The following SIT1 variants were observed in gnomAD, a reference collection of about 807,000 sequenced individuals.
SIT1 encodes signaling threshold-regulating transmembrane adapter 1.
In SIT1, 19 loss-of-function variants were observed where a neutral mutation model predicts 23.5. The ratio of observed to expected loss-of-function variants is 0.81; its 90% CI spans 0.56 to 1.19. SIT1 has a LOEUF of 1.19. SIT1 is among the 50% of genes most tolerant of loss of function. The pLI is 0.00. For synonymous variants in SIT1, 114 were observed against 109.1 expected (o/e 1.04, Z -0.28); for missense variants, 213 against 254.9 (o/e 0.84, Z 1.12).
In SIT1 at chr9:35,649,572, T is replaced by G. The variant is rs1823439546; in HGVS notation, c.*276A>C. 2.8e-6 allele frequency: 1 copy of G among 361,322 alleles called. No individual in the cohort carries two copies. The highest frequency in any genetic ancestry group is 4.5e-5 in the Admixed American group (1 of 22,450). The allele number at this position is 361,322 out of a possible 1,614,324, so 22.4% of individuals were successfully genotyped here. A position where few individuals can be genotyped will look rare whatever the true frequency, so the allele number is the denominator to read the frequency against. ...GGAGCGGGGGTGGGGAGGATCTGGT[T>G]AAACTCCAGAAGAAGGAAGTGAGAA... On this transcript the variant is annotated 3_prime_UTR_variant, in exon 5 of 5. Transcript: ENST00000259608.
rs1169261703 is a variant in SIT1 at position 35,650,385 on chromosome 9, C to T, written c.267G>A (p.Leu89=). 1 of 1,614,176 alleles carries T rather than the reference C, an allele frequency of 6.2e-7. No homozygotes were observed. Among genetic ancestry groups the T allele is most frequent in the Admixed American group, 1.7e-5 (1 of 60,026 alleles). ...TCTGTAGATAATGCAGGTTCCCATA[C>T]AGCGGGACCTCTTCCACAGACTCTC... ...RSGESVEEVP[L]YGNLHYLQTG... is the part of the protein sequence containing the mutation. Residue 89 remains leucine, a synonymous_variant, in exon 3 of 5, where the codon CTG becomes CTA. Transcript: ENST00000259608. This position sits in a 1 kb window ranked among gnomAD's most constrained non-coding sequence, Gnocchi z 4.8.
At position 35,649,657 on chromosome 9, in the gene SIT1, GT is replaced by G. The variant is rs2131800350; in HGVS notation, c.*190del. On this transcript the variant is annotated 3_prime_UTR_variant, in exon 5 of 5. Transcript: ENST00000259608. Reference sequence around the variant, plus strand: ...AAAAAGAAATAAGGAGGGGGCTACTGTCTTTGCCTCCTCCATCACGAAAGCT... The same window carrying G: ...AAAAAGAAATAAGGAGGGGGCTACTGCTTTGCCTCCTCCATCACGAAAGCT... 1 of 517,276 alleles carries G rather than the reference GT, an allele frequency of 1.9e-6. No individual in the cohort carries two copies. Among genetic ancestry groups the G allele is most frequent in the East Asian group, 3.1e-5 (1 of 32,392 alleles). The allele number at this position is 517,276 out of a possible 1,614,324, so 32.0% of individuals were successfully genotyped here.
Position 35,649,543 on chromosome 9 carries a change from T to G in SIT1, c.*305A>C. On this transcript the variant is annotated 3_prime_UTR_variant, in exon 5 of 5. Transcript: ENST00000259608. ...GACACTGAGGCGTGGGGGTAGACTA[T>G]GAGGGAGCGGGGGTGGGGAGGATCT... The G allele has an allele frequency of 3.6e-6, 1 of 275,354 alleles. No homozygotes were observed. The highest frequency in any genetic ancestry group is 6.8e-6 in the Non-Finnish European group (1 of 146,220). 17.1% of individuals were successfully genotyped at this position (275,354 alleles called of 1,614,324 possible).
rs1823445626 is a variant in SIT1 at position 35,649,924 on chromosome 9, A to G, written c.515T>C (p.Val172Ala). 1.3e-6 allele frequency: 2 copies of G among 1,586,676 alleles called. No homozygotes were observed. Among genetic ancestry groups the G allele is most frequent in the South Asian group, 2.3e-5 (2 of 86,906 alleles). The change falls in exon 5 of 5, where the codon GTA becomes GCA. Residue 172 changes from valine to alanine, a missense_variant. Physicochemically the swap from Val to Ala is moderately conservative, Grantham distance 64 (BLOSUM62 0). Transcript: ENST00000259608. ...CCGGGCCCTGCGGGTCTGGGCACAT[A>G]CTGAGGCATAGAGCTCCGGCTCGGG... ...SGPEPELYAS[V>A]CAQTRRARAS...
Position 35,650,222 on chromosome 9 carries a change from G to C in SIT1, c.319C>G (p.Pro107Ala). Residue 107 changes from proline to alanine, a missense_variant, in exon 4 of 5, where the codon CCA becomes GCA. Pro to Ala is a conservative substitution (Grantham distance 27). Transcript: ENST00000259608. The surrounding 1 kb of genome is among the most constrained non-coding windows in gnomAD (Gnocchi z 4.8). ...CCAAGAGTTGGATCCTGCTGGTCTG[G>C]CTCTGGGTCTTGAGACAGCCGTCCT... is the stretch of plus-strand genomic sequence containing the variant. ...QTGRLSQDPE[P>A]DQQDPTLGGP... is the part of the protein sequence containing the mutation. 1 of 1,613,972 alleles carries C rather than the reference G, an allele frequency of 6.2e-7. No individual in the cohort carries two copies. Among genetic ancestry groups the C allele is most frequent in the Non-Finnish European group, 8.5e-7 (1 of 1,179,942 alleles).
At position 35,650,623 on chromosome 9, in the gene SIT1, T is replaced by G. The variant is rs1180470802; in HGVS notation, c.115A>C (p.Thr39Pro). The change falls in exon 2 of 5, where the codon ACC (threonine) becomes CCC (proline). Residue 39 changes from threonine (T) to proline (P), a missense_variant. By Grantham distance (38) the Thr-to-Pro change is conservative. Transcript: ENST00000259608. This position sits in a 1 kb window ranked among gnomAD's most constrained non-coding sequence, Gnocchi z 4.8. ...DLLALGIPSI[T>P]QAWGLWVLLG... ...AGGACCCACAGTCCCCAGGCCTGGG[T>G]TATGGAGGGGATTCCTGTGGATGTG... 6 of 1,613,354 alleles carry G rather than the reference T, an allele frequency of 3.7e-6. No individual in the cohort carries two copies. In the Admixed American group the frequency reaches 6.7e-5, roughly 18 times the overall value.
chr9:35,649,829 C>A lies in SIT1; in HGVS notation c.*19G>T. On this transcript the variant is annotated 3_prime_UTR_variant, in exon 5 of 5. Transcript: ENST00000259608. ...GGGGGCTGGGGCAGTGCACGCCCCG[C>A]TGTGCCAGGCCCTCCATCTCAGCTG... 6.7e-7 allele frequency: 1 copy of A among 1,485,646 alleles called. No homozygotes were observed. The highest frequency in any genetic ancestry group is 9.0e-7 in the Non-Finnish European group (1 of 1,106,770). The allele number at this position is 1,485,646 out of a possible 1,614,324, so 92.0% of individuals were successfully genotyped here.
rs201375312 is a variant in SIT1, at chr9:35,650,500, A to C, written c.236+2T>G. 230 of 1,613,598 alleles carry C rather than the reference A, an allele frequency of 1.4e-4. No individual in the cohort carries two copies. The highest frequency in any genetic ancestry group is 1.7e-5 in the Admixed American group (1 of 59,986). On this transcript the variant is annotated splice_donor_variant, in intron 2 of 4. Transcript: ENST00000259608. LOFTEE classifies it high-confidence loss of function. This position sits in a 1 kb window ranked among gnomAD's most constrained non-coding sequence, Gnocchi z 4.8. ...AACCCATCCCTGTTGTCCTTCACCC[A>C]CCGTCCCTGCCCCGGATGGCTCCTG...
In SIT1 at chr9:35,650,805, T is replaced by G; in HGVS notation, c.49A>C (p.Thr17Pro). ...TCGCCTCTGCTCATGGCTGCAGATG[T>G]GAGAGTCCACAAGCACACTGCTCTG... is the stretch of plus-strand genomic sequence containing the variant. ...RLRAVCLWTL[T>P]SAAMSRGDNC... The change falls in exon 1 of 5, where the codon ACA (threonine) becomes CCA (proline). Residue 17 changes from threonine (T) to proline (P), a missense_variant. Thr to Pro is a conservative substitution (Grantham distance 38). Transcript: ENST00000259608. This position sits in a 1 kb window ranked among gnomAD's most constrained non-coding sequence, Gnocchi z 4.8. 1 of 1,613,682 alleles carries G rather than the reference T, an allele frequency of 6.2e-7. No homozygotes were observed. The highest frequency in any genetic ancestry group is 8.5e-7 in the Non-Finnish European group (1 of 1,179,818).
chr9:35,650,170 C>T lies in SIT1; in HGVS notation c.357+14G>A. 1 of 1,614,050 alleles carries T rather than the reference C, an allele frequency of 6.2e-7. No individual in the cohort carries two copies. The highest frequency in any genetic ancestry group is 8.5e-7 in the Non-Finnish European group (1 of 1,179,934). ...TCCTTCCCTCCCCCTTTTCTCCAGC[C>T]ACAGTTGACTCACCCTGGCAGGGCC... On this transcript the variant is annotated intron_variant, in intron 4 of 4. Transcript: ENST00000259608. This position sits in a 1 kb window ranked among gnomAD's most constrained non-coding sequence, Gnocchi z 4.8.
chr9:35,650,725 C>T lies in SIT1; in HGVS notation c.100+29G>A. 6.2e-7 allele frequency: 1 copy of T among 1,611,498 alleles called. No homozygotes were observed. On this transcript the variant is annotated intron_variant, in intron 1 of 4. Transcript: ENST00000259608. The surrounding 1 kb of genome is among the most constrained non-coding windows in gnomAD (Gnocchi z 4.8). ...GGACCTGGGGCCACATGACCCCTCC[C>T]CCACCAGCCCCTGCCCTGCCCAGCT...
At position 35,650,707 on chromosome 9, in the gene SIT1, G is replaced by T; in HGVS notation, c.100+47C>A. The T allele has an allele frequency of 6.2e-7, 1 of 1,611,582 alleles. No homozygotes were observed. On this transcript the variant is annotated intron_variant, in intron 1 of 4. Transcript: ENST00000259608. The surrounding 1 kb of genome is among the most constrained non-coding windows in gnomAD (Gnocchi z 4.8). ...CCCAGGGCCCAGCAGGTGGGACCTG[G>T]GGCCACATGACCCCTCCCCCACCAG...
Position 35,650,550 on chromosome 9 carries a change from A to G in SIT1, c.188T>C (p.Leu63Ser), listed in dbSNP as rs1823457960. 6.2e-7 allele frequency: 1 copy of G among 1,613,858 alleles called. No homozygotes were observed. Among genetic ancestry groups the G allele is most frequent in the South Asian group, 1.1e-5 (1 of 91,092 alleles). Residue 63 changes from leucine to serine, a missense_variant, in exon 2 of 5, where the codon TTG becomes TCG. Coordinates refer to ENST00000259608, the MANE Select transcript of SIT1 (RefSeq NM_014450.3). This position sits in a 1 kb window ranked among gnomAD's most constrained non-coding sequence, Gnocchi z 4.8. Reference sequence around the variant, plus strand: ...GCTCCGGCCCCTGGTCCACTGGGACAAGTGTGCAGCCAGCGAGATGAGAAA... The same window carrying G: ...GCTCCGGCCCCTGGTCCACTGGGACGAGTGTGCAGCCAGCGAGATGAGAAA... ...LLFLISLAAH[L>S]SQWTRGRSRS...
rs1377675361 is a variant in SIT1 at position 35,649,743 on chromosome 9, T to C, written c.*105A>G. ...GAAGTCCGGGGTAGATCACATCCTG[T>C]GACTTGGCAATGGCGCCCGTCTTTG... On this transcript the variant is annotated 3_prime_UTR_variant, in exon 5 of 5. Coordinates refer to ENST00000259608, the MANE Select transcript of SIT1 (RefSeq NM_014450.3). 1.2e-6 allele frequency: 1 copy of C among 823,398 alleles called. No homozygotes were observed. The highest frequency in any genetic ancestry group is 1.7e-5 in the African/African-American group (1 of 58,002). The allele number at this position is 823,398 out of a possible 1,614,324, so 51.0% of individuals were successfully genotyped here. A position where few individuals can be genotyped will look rare whatever the true frequency, so the allele number is the denominator to read the frequency against.
rs370762199 is a variant in SIT1 at position 35,650,525 on chromosome 9, G to T, written c.213C>A (p.Ser71Arg). 5.6e-6 allele frequency: 9 copies of T among 1,613,894 alleles called. No homozygotes were observed. The African/African-American group carries it at 1.2e-4, about 22-fold the overall frequency. ...ACCGTCCCTGCCCCGGATGGCTCCT[G>T]CTCCGGCCCCTGGTCCACTGGGACA... is the stretch of plus-strand genomic sequence containing the variant. ...AHLSQWTRGR[S>R]RSHPGQGRSG... Residue 71 changes from serine (S) to arginine (R), a missense_variant, in exon 2 of 5, where the codon AGC becomes AGA. Physicochemically the swap from Ser to Arg is moderately radical, Grantham distance 110. Transcript: ENST00000259608. This position sits in a 1 kb window ranked among gnomAD's most constrained non-coding sequence, Gnocchi z 4.8.
At position 35,649,334 on chromosome 9, in the gene SIT1, A is replaced by G. The variant is rs1823435990; in HGVS notation, c.*514T>C. On this transcript the variant is annotated 3_prime_UTR_variant, in exon 5 of 5. Coordinates refer to ENST00000259608, the MANE Select transcript of SIT1 (RefSeq NM_014450.3). The stretch of plus-strand genomic sequence containing the variant: ...TTTTATTTGAAAACTTGGGGACAGG[A>G]CAGAGACAGCAGGATGGAGACTGTA... 6.5e-6 allele frequency: 1 copy of G among 153,144 alleles called. No homozygotes were observed. Among genetic ancestry groups the G allele is most frequent in the African/African-American group, 2.4e-5 (1 of 41,476 alleles). 9.5% of individuals were successfully genotyped at this position (153,144 alleles called of 1,614,324 possible). A position where few individuals can be genotyped will look rare whatever the true frequency, so the allele number is the denominator to read the frequency against.
In SIT1 at chr9:35,649,789, C is replaced by T. The variant is rs914346269; in HGVS notation, c.*59G>A. ...CTTTGGGTGCTGGTTGGGAAACAGT[C>T]ATGCCCCTGCTACGGGGGGCTGGGG... is the stretch of plus-strand genomic sequence containing the variant. On this transcript the variant is annotated 3_prime_UTR_variant, in exon 5 of 5. Coordinates refer to ENST00000259608, the MANE Select transcript of SIT1 (RefSeq NM_014450.3). The T allele has an allele frequency of 2.5e-5, 32 of 1,275,252 alleles. No individual in the cohort carries two copies. Among genetic ancestry groups the T allele is most frequent in the Non-Finnish European group, 7.4e-6 (7 of 944,224 alleles). The allele number at this position is 1,275,252 out of a possible 1,614,324, so 79.0% of individuals were successfully genotyped here.
Position 35,650,563 on chromosome 9 carries a change from G to A in SIT1, c.175C>T (p.Leu59=). The A allele has an allele frequency of 6.2e-7, 1 of 1,613,928 alleles. No individual in the cohort carries two copies. The highest frequency in any genetic ancestry group is 8.5e-7 in the Non-Finnish European group (1 of 1,180,022). ...GAVTLLFLIS[L]AAHLSQWTRG... ...GTCCACTGGGACAAGTGTGCAGCCA[G>A]CGAGATGAGAAATAGCAGCGTCACA... Residue 59 remains leucine (L), a synonymous_variant, in exon 2 of 5, where the codon CTG becomes TTG. Coordinates refer to ENST00000259608, the MANE Select transcript of SIT1 (RefSeq NM_014450.3). This position sits in a 1 kb window ranked among gnomAD's most constrained non-coding sequence, Gnocchi z 4.8.
At position 35,650,805 on chromosome 9, in the gene SIT1, TGA is replaced by T. The variant is rs1480517120; in HGVS notation, c.47_48del (p.Leu16HisfsTer140). The T allele has an allele frequency of 2.5e-6, 4 of 1,613,564 alleles. No individual in the cohort carries two copies. Among genetic ancestry groups the T allele is most frequent in the South Asian group, 1.1e-5 (1 of 91,024 alleles). On this transcript the variant is annotated frameshift_variant, in exon 1 of 5. Coordinates refer to ENST00000259608, the MANE Select transcript of SIT1 (RefSeq NM_014450.3). LOFTEE classifies it high-confidence loss of function. This position sits in a 1 kb window ranked among gnomAD's most constrained non-coding sequence, Gnocchi z 4.8. ...TCGCCTCTGCTCATGGCTGCAGATG[TGA>T]GAGTCCACAAGCACACTGCTCTGAG... ...PRLRAVCLWT[L>X]TSAAMSRGDN...
Sources: allele counts gnomAD v4.1 joint callset, GRCh38; gene constraint gnomAD v4.1.1; non-coding constraint Gnocchi (gnomAD v3.1); transcripts MANE v1.5; gene names NCBI Gene and HGNC (gene_info 2026-07-23, HGNC 2026-07-21).